Variants in PDE11A observed in about 807,000 individuals in gnomAD.
The protein encoded by PDE11A is phosphodiesterase 11A, also known as dual 3',5'-cyclic-AMP and -GMP phosphodiesterase 11A.
PDE11A carries 100 observed loss-of-function variants against 100.5 expected under a neutral mutation model. The observed-to-expected ratio is 1.00, with a 90% CI of 0.85 to 1.18. The LOEUF is 1.18. Ranked by LOEUF, PDE11A falls within the 50% of genes most tolerant of loss-of-function variation. The pLI is 0.00. For synonymous variants in PDE11A, 381 were observed against 420.8 expected, an observed-to-expected ratio of 0.91 and a Z score of 1.16; for missense variants, 1,141 against 1,152.6, an observed-to-expected ratio of 0.99 and a Z score of 0.15.
At chr2:177,845,063 C>A (rs1482761181) in intron 5 of PDE11A, among the ~76,000 whole-genome samples, 1 of 152,032 alleles carries the variant, frequency 6.6e-6, no homozygotes, top group Non-Finnish European at 1.5e-5. Context: ...GCACACCTCC[C>A]AGACGGGGTG....
chr2:177,735,411 AC>A (rs142899778), intron 10 of PDE11A, among the ~76,000 whole-genome samples: 26,934 of 151,218 alleles, frequency 0.18, 2,591 homozygotes, highest in African/African-American at 0.24. Flanking sequence ...GAAAAAAAAA[AC>A]CCCAAAAAAC....
At position 177,788,900 on chromosome 2, in the gene PDE11A, G is replaced by A. The variant is rs141787811; in HGVS notation, c.1738-19527C>T. Reference sequence around the variant, plus strand: ...TCTGAAATTGTGGCAATAATCAATAGCTTACCAAACAAAAAGAGTCCAGGA... The same window carrying A: ...TCTGAAATTGTGGCAATAATCAATAACTTACCAAACAAAAAGAGTCCAGGA... On this transcript the variant is annotated intron_variant, in intron 9 of 19. Transcript: ENST00000286063. Among the ~76,000 whole-genome samples the A allele has an allele frequency of 2.9e-3, 444 of 152,122 alleles. 5 individuals carry two copies. Among genetic ancestry groups the A allele is most frequent in the Middle Eastern group, 0.017 (5 of 294 alleles).
chr2:177,984,799 C>T (rs1428330382), intron 2 of PDE11A, among the ~76,000 whole-genome samples: 5 of 152,216 alleles, frequency 3.3e-5, no homozygotes, highest in Non-Finnish European at 5.9e-5. Flanking sequence ...CTACTACACA[C>T]TACTAAGTAG....
intron 1 of PDE11A, among the ~76,000 whole-genome samples, chr2:178,018,877 G>C (rs972276256): frequency 2.0e-5 from 3 of 152,200 alleles, no homozygotes; most frequent in African/African-American, 7.2e-5. Context: ...AAAAGTTTGA[G>C]AGGATTTGTA....
intron 2 of PDE11A, among the ~76,000 whole-genome samples, chr2:177,907,089 G>A (rs1308220252): frequency 2.0e-5 from 3 of 152,018 alleles, no homozygotes; most frequent in Non-Finnish European, 4.4e-5. Context: ...TATATCATAG[G>A]CTTGCTTCAC....
At chr2:177,793,769 AGT>A (rs2082665393) in intron 9 of PDE11A, among the ~76,000 whole-genome samples, 1 of 152,158 alleles carries the variant, frequency 6.6e-6, no homozygotes, top group Admixed American at 6.5e-5. Flanking sequence ...ACACTGCGGC[AGT>A]ACAGGGATCA....
At chr2:177,868,993 A>G (rs1470917997) in intron 5 of PDE11A, among the ~76,000 whole-genome samples, 1 of 152,196 alleles carries the variant, frequency 6.6e-6, no homozygotes, top group African/African-American at 2.4e-5. Context: ...ATCTTTCCAC[A>G]TGGCTGTACA....
At chr2:177,631,544 TATACACA>T in intron 19 of PDE11A, among the ~76,000 whole-genome samples, 1 of 16,150 alleles carries the variant, frequency 6.2e-5, no homozygotes, top group East Asian at 3.7e-3. Context: ...TATATATATA[TATACACA>T]TGTATATATA....
chr2:177,859,132 A>T (rs2083897937), intron 5 of PDE11A, among the ~76,000 whole-genome samples: 1 of 152,150 alleles, frequency 6.6e-6, no homozygotes, highest in Non-Finnish European at 1.5e-5. Flanking sequence ...GCATTAGGAG[A>T]TATACCTAAT....
At chr2:177,663,714 C>T in intron 19 of PDE11A, 152 bp downstream of exon 19, 1 of 677,158 alleles carries the variant, frequency 1.5e-6, no homozygotes, top group Non-Finnish European at 2.7e-6. Flanking sequence ...AGCCAGGGCA[C>T]AGTCAGAAAT....
intron 1 of PDE11A, among the ~76,000 whole-genome samples, chr2:178,048,295 A>T (rs1050680678): frequency 1.3e-5 from 2 of 152,146 alleles, no homozygotes; most frequent in African/African-American, 2.4e-5. Flanking sequence ...GCAACTGAAG[A>T]TAAAGAAGAT....
At chr2:177,666,619 T>C (rs2080589194) in intron 18 of PDE11A, among the ~76,000 whole-genome samples, 1 of 152,236 alleles carries the variant, frequency 6.6e-6, no homozygotes, top group Non-Finnish European at 1.5e-5. Context: ...TATCTCATTG[T>C]GGTTTCAGTT....
intron 5 of PDE11A, among the ~76,000 whole-genome samples, chr2:177,851,000 T>C (rs1205686436): frequency 6.6e-6 from 1 of 152,184 alleles, no homozygotes; most frequent in Non-Finnish European, 1.5e-5. Context: ...GATCTAGAAC[T>C]AGAAATACCA....
intron 2 of PDE11A, among the ~76,000 whole-genome samples, chr2:178,096,656 C>T (rs921053600): frequency 1.3e-5 from 2 of 152,204 alleles, no homozygotes; most frequent in African/African-American, 4.8e-5. Context: ...TCTTTGCTAA[C>T]GCATAGCAAC....
intron 15 of PDE11A, among the ~76,000 whole-genome samples, chr2:177,683,635 A>G (rs2080899518): frequency 6.6e-6 from 1 of 152,064 alleles, no homozygotes; most frequent in Non-Finnish European, 1.5e-5. Context: ...GTTAACAGGA[A>G]CCTCTCTTGC....
chr2:177,945,467 C>G lies in PDE11A; in HGVS notation c.1072-40280G>C, dbSNP rs1216907312. On this transcript the variant is annotated intron_variant, in intron 2 of 19. Coordinates refer to ENST00000286063, the MANE Select transcript of PDE11A (RefSeq NM_016953.4). ...CTGAGATGTGGGGAGTGCCTCTGCC[C>G]CGCCGCCCCATCTGGGATGTGAGGA... 1.4e-5 allele frequency among the ~76,000 whole-genome samples: 2 copies of G among 142,512 alleles called. 1 individual carries two copies. Among genetic ancestry groups the G allele is most frequent in the African/African-American group, 5.1e-5 (2 of 38,874 alleles). The allele number at this position is 142,512 out of a possible 152,430, so 93.5% of individuals were successfully genotyped here.
At chr2:177,761,341 C>T (rs1309883103) in intron 10 of PDE11A, among the ~76,000 whole-genome samples, 1 of 152,146 alleles carries the variant, frequency 6.6e-6, no homozygotes, top group Non-Finnish European at 1.5e-5. Context: ...TCAGAAATTT[C>T]CATCGTCATA....
chr2:177,739,665 T>C (rs2081844214), intron 10 of PDE11A, among the ~76,000 whole-genome samples: 1 of 152,228 alleles, frequency 6.6e-6, no homozygotes, highest in African/African-American at 2.4e-5. Context: ...AGCATCTCTC[T>C]GCTGTTGTCT....
intron 5 of PDE11A, among the ~76,000 whole-genome samples, chr2:177,848,244 A>T (rs1167400981): frequency 2.6e-5 from 4 of 152,206 alleles, no homozygotes; most frequent in Non-Finnish European, 5.9e-5. Flanking sequence ...GGGATATTTT[A>T]AAAAATTCTG....
Sources: gnomAD v4.1 joint callset for allele counts (sites outside exome capture counted in the v4.1 genomes callset) on GRCh38, gnomAD v4.1.1 for gene constraint, MANE v1.5 for transcripts, NCBI Gene and HGNC (gene_info 2026-07-23, HGNC 2026-07-21) for gene names.